IGSF6: variants seen among roughly 807,000 people sequenced by gnomAD.
The protein encoded by IGSF6 is down-regulated by activation (immunoglobulin superfamily).
Under a neutral mutation model 24.7 loss-of-function variants are expected in IGSF6, and 23 were observed. The ratio of observed to expected loss-of-function variants is 0.93; its 90% CI spans 0.67 to 1.32. The LOEUF (loss-of-function observed/expected upper bound fraction) is 1.32. Among genes scored for constraint, IGSF6 ranks in the 40% most tolerant of loss-of-function variants. The probability of loss-of-function intolerance (pLI) is 0.00; values close to 1 mark genes in which losing one functional copy is unlikely to be tolerated. For synonymous variants in IGSF6, 110 were observed against 113.7 expected, an observed-to-expected ratio of 0.97 and a Z score of 0.21; for missense variants, 295 against 293.6, an observed-to-expected ratio of 1.00 and a Z score of -0.04.
At chr16:21,650,969 A>T (rs1966557446) in intron 1 of IGSF6, among the ~76,000 whole-genome samples, 3 of 152,226 alleles carry the variant, frequency 2.0e-5, no homozygotes, top group African/African-American at 7.2e-5. Context: ...CATGCCTGTA[A>T]TCCCAGCATT....
At chr16:21,650,950 A>G (rs1014191171) in intron 1 of IGSF6, among the ~76,000 whole-genome samples, 3 of 152,172 alleles carry the variant, frequency 2.0e-5, no homozygotes, top group Admixed American at 2.0e-4. Flanking sequence ...GAGGCTGGGC[A>G]TGGTGGCTCA....
Position 21,643,024 on chromosome 16 carries a change from A to C in IGSF6, c.666+50T>G, listed in dbSNP as rs766232419. ...GCTCCTTGGCAGCTTAGTTTTTTCA[A>C]ACGTGCTTTATATCTGTATTTACAT... On this transcript the variant is annotated intron_variant, in intron 5 of 5. Coordinates refer to ENST00000268389, the MANE Select transcript of IGSF6 (RefSeq NM_005849.4). 9.2e-6 allele frequency: 12 copies of C among 1,303,004 alleles called. No individual in the cohort carries two copies. In the South Asian group the frequency reaches 1.2e-4, roughly 13 times the overall value. The allele number at this position is 1,303,004 out of a possible 1,614,324, so 80.7% of individuals were successfully genotyped here. A position where few individuals can be genotyped will look rare whatever the true frequency, so the allele number is the denominator to read the frequency against.
intron 5 of IGSF6, 33 bp downstream of exon 5, chr16:21,643,041 T>C (rs1966316920): frequency 7.0e-7 from 1 of 1,427,470 alleles, no homozygotes; most frequent in African/African-American, 1.4e-5. Context: ...TTTATATCTG[T>C]ATTTACATTT....
At chr16:21,643,660 T>C (rs1966338054) in intron 3 of IGSF6, 62 bp from the exon 4 acceptor site, 1 of 1,057,192 alleles carries the variant, frequency 9.5e-7, no homozygotes, top group Admixed American at 2.0e-5. Flanking sequence ...TGGTGGCAGA[T>C]ATCTCATGCC....
At chr16:21,645,006 A>G (rs1284102887) in intron 2 of IGSF6, among the ~76,000 whole-genome samples, 2 of 152,182 alleles carry the variant, frequency 1.3e-5, no homozygotes, top group Admixed American at 1.3e-4. Flanking sequence ...CCATTTTCAC[A>G]TTCGGAATTT....
rs1205166321 is a variant in IGSF6 at position 21,652,405 on chromosome 16, CTT to C, written c.67+125_67+126del. 3 of 638,472 alleles carry C rather than the reference CTT, an allele frequency of 4.7e-6. No homozygotes were observed. The African/African-American group carries it at 5.6e-5, about 12-fold the overall frequency. 39.6% of individuals were successfully genotyped at this position (638,472 alleles called of 1,614,324 possible). A position where few individuals can be genotyped will look rare whatever the true frequency, so the allele number is the denominator to read the frequency against. On this transcript the variant is annotated intron_variant, in intron 1 of 5. Transcript: ENST00000268389. ...TCAGGGGAAAAAGGAAACTTATCCT[CTT>C]AGGCAGTTTTCATAATGTTATACAT...
At chr16:21,643,666 A>C in intron 3 of IGSF6, 68 bp from the exon 4 acceptor site, 82 of 994,784 alleles carry the variant, frequency 8.2e-5, no homozygotes, top group Non-Finnish European at 1.2e-4. Flanking sequence ...CAGATATCTC[A>C]TGCCCTAATA....
intron 2 of IGSF6, chr16:21,646,297 A>G (rs1478479282): frequency 6.6e-6 from 1 of 152,154 alleles, no homozygotes; most frequent in African/African-American, 2.4e-5. Context: ...TCAGGAAGTG[A>G]GAGTCATCAC....
At chr16:21,648,454 C>A (rs996909421) in intron 1 of IGSF6, among the ~76,000 whole-genome samples, 9 of 152,186 alleles carry the variant, frequency 5.9e-5, no homozygotes, top group African/African-American at 9.7e-5. Context: ...GCAGCCGCCA[C>A]TGCTACTGTT....
rs964317598 is a variant in IGSF6, at chr16:21,640,924, C to A, written c.*610G>T. The A allele has an allele frequency of 1.3e-5, 2 of 152,066 alleles. No homozygotes were observed. The highest frequency in any genetic ancestry group is 4.8e-5 in the African/African-American group (2 of 41,384). The allele number at this position is 152,066 out of a possible 1,614,324, so 9.4% of individuals were successfully genotyped here. On this transcript the variant is annotated 3_prime_UTR_variant, in exon 6 of 6. Coordinates refer to ENST00000268389, the MANE Select transcript of IGSF6 (RefSeq NM_005849.4). Reference sequence around the variant, plus strand: ...TGTTCTGAAGTTACCTCTGTTTAACCTTCAGCTTTGGATTTTCTGTATTTT... The same window carrying A: ...TGTTCTGAAGTTACCTCTGTTTAACATTCAGCTTTGGATTTTCTGTATTTT...
At chr16:21,646,986 G>C in intron 2 of IGSF6, 147 bp downstream of exon 2, 5 of 1,071,560 alleles carry the variant, frequency 4.7e-6, no homozygotes, top group Non-Finnish European at 7.1e-6. Flanking sequence ...AAACCTCATG[G>C]TGACTTGTGT....
rs1210254792 is a variant in IGSF6, at chr16:21,641,544, T to G, written c.716A>C (p.Glu239Ala). The G allele has an allele frequency of 6.3e-7, 1 of 1,586,386 alleles. No homozygotes were observed. The highest frequency in any genetic ancestry group is 8.6e-7 in the Non-Finnish European group (1 of 1,158,368). ...AAAATTAAAACGTTTCTATGGCCTTTCATAGTTGGAAAGTACTCTTCTGTT... is the reference window on the plus strand; with the variant it reads ...AAAATTAAAACGTTTCTATGGCCTTGCATAGTTGGAAAGTACTCTTCTGTT... The part of the protein sequence containing the change: ...YENRRVLSNY[E>A]RP Residue 239 changes from glutamate to alanine, a missense_variant, in exon 6 of 6, where the codon GAA becomes GCA. Transcript: ENST00000268389.
At chr16:21,648,895 C>G (rs1234126774) in intron 1 of IGSF6, among the ~76,000 whole-genome samples, 1 of 152,280 alleles carries the variant, frequency 6.6e-6, no homozygotes, top group East Asian at 1.9e-4. Context: ...CTTAGCGTTT[C>G]TCTTATGGAT....
At chr16:21,647,576 G>C in intron 1 of IGSF6, 84 bp from the exon 2 acceptor site, 1 of 1,484,370 alleles carries the variant, frequency 6.7e-7, no homozygotes, top group South Asian at 1.3e-5. Context: ...AGGAAACCCA[G>C]CCATTCTGTT....
chr16:21,642,752 A>G (rs1472589639), intron 5 of IGSF6, among the ~76,000 whole-genome samples: 1 of 152,226 alleles, frequency 6.6e-6, no homozygotes, highest in East Asian at 1.9e-4. Context: ...CTACCACTGC[A>G]TGCAGGATAC....
intron 1 of IGSF6, among the ~76,000 whole-genome samples, chr16:21,648,099 G>A (rs983011131): frequency 1.1e-4 from 16 of 152,170 alleles, no homozygotes; most frequent in Non-Finnish European, 1.3e-4. Context: ...ATGCAGCCCT[G>A]GCTTAGCCTA....
In IGSF6 at chr16:21,641,000, G is replaced by C. The variant is rs1327462605; in HGVS notation, c.*534C>G. On this transcript the variant is annotated 3_prime_UTR_variant, in exon 6 of 6. Transcript: ENST00000268389. ...CTATATTATTCTCATTTTGCTGATAGCATGATGTAAGTTACTTTGCATACC... is the reference window on the plus strand; with the variant it reads ...CTATATTATTCTCATTTTGCTGATACCATGATGTAAGTTACTTTGCATACC... 6.6e-6 allele frequency: 1 copy of C among 152,208 alleles called. No homozygotes were observed. 9.4% of individuals were successfully genotyped at this position (152,208 alleles called of 1,614,324 possible).
In IGSF6 at chr16:21,640,307, C is replaced by T. The variant is rs755269582; in HGVS notation, c.*1227G>A. On this transcript the variant is annotated 3_prime_UTR_variant, in exon 6 of 6. Transcript: ENST00000268389. ...TGTAATTTGTGTCTAATAATGAATG[C>T]ATACTTATGGGCACTTTAGATTTTT... 2.6e-5 allele frequency: 4 copies of T among 151,962 alleles called. No homozygotes were observed. Among genetic ancestry groups the T allele is most frequent in the Non-Finnish European group, 4.4e-5 (3 of 68,008 alleles). The allele number at this position is 151,962 out of a possible 1,614,324, so 9.4% of individuals were successfully genotyped here.
At position 21,647,240 on chromosome 16, in the gene IGSF6, C is replaced by T. The variant is rs2141619060; in HGVS notation, c.320G>A (p.Arg107Lys). 1.2e-6 allele frequency: 2 copies of T among 1,614,188 alleles called. No homozygotes were observed. Among genetic ancestry groups the T allele is most frequent in the East Asian group, 2.2e-5 (1 of 44,874 alleles). Residue 107 changes from arginine to lysine, a missense_variant, in exon 2 of 6, where the codon AGA becomes AAA. Physicochemically the swap from Arg to Lys is conservative, Grantham distance 26 (BLOSUM62 2). Transcript: ENST00000268389. ...AATTGCACTGTCATTTGAAGTCACT[C>T]TGTTTACAGTGAGGGAAACTTGGTT... The part of the protein sequence containing the change: ...KENQVSLTVN[R>K]VTSNDSAIYI...
Sources: allele counts gnomAD v4.1 joint callset (sites outside exome capture counted in the v4.1 genomes callset), GRCh38; gene constraint gnomAD v4.1.1; transcripts MANE v1.5; gene names NCBI Gene and HGNC (gene_info 2026-07-23, HGNC 2026-07-21).